FIRRM: variants seen among roughly 807,000 people sequenced by gnomAD.
FIRRM encodes FIGNL1-interacting regulator of recombination and mitosis.
At chr1:169,842,303 C>G in the FIRRM span, 2 of 979,754 alleles carry the variant, frequency 2.0e-6, no homozygotes, top group African/African-American at 3.3e-5. Context: ...TATTATTCTA[C>G]ATGGACTTTA....
the FIRRM span, chr1:169,821,618 T>A: frequency 8.1e-7 from 1 of 1,235,930 alleles, no homozygotes; most frequent in Admixed American, 2.3e-5. Context: ...ATTTGTAAGC[T>A]TAGCTAATTT....
the FIRRM span, among the ~76,000 whole-genome samples, chr1:169,848,531 T>C: frequency 6.6e-6 from 1 of 152,230 alleles, no homozygotes; most frequent in Non-Finnish European, 1.5e-5. Context: ...ATTAAACTCT[T>C]TGAAACCAAA....
At chr1:169,854,032 C>T in the FIRRM span, 15 of 560,602 alleles carry the variant, frequency 2.7e-5, 1 homozygote, top group Middle Eastern at 9.0e-4. Flanking sequence ...ATTTTAATCC[C>T]TTTTTTTTCT....
the FIRRM span, among the ~76,000 whole-genome samples, chr1:169,808,159 T>G: frequency 6.6e-6 from 1 of 152,160 alleles, no homozygotes; most frequent in Non-Finnish European, 1.5e-5. Flanking sequence ...CCTGGCTCCC[T>G]CTTTGCTTGG....
chr1:169,799,551 AT>A, the FIRRM span, among the ~76,000 whole-genome samples: 2 of 151,180 alleles, frequency 1.3e-5, no homozygotes, highest in Non-Finnish European at 3.0e-5. Context: ...ATGGGACCTA[AT>A]TTTTTTTTCC....
At chr1:169,794,199 G>C in the FIRRM span, among the ~76,000 whole-genome samples, 7 of 152,186 alleles carry the variant, frequency 4.6e-5, no homozygotes, top group Non-Finnish European at 7.3e-5. Context: ...GGACAGCCTA[G>C]CTACTTGCTG....
chr1:169,821,810 C>T, the FIRRM span: 29 of 1,245,682 alleles, frequency 2.3e-5, 1 homozygote, highest in African/African-American at 9.0e-5. Context: ...TCTCAGAAAA[C>T]GAATTATTAT....
the FIRRM span, chr1:169,852,650 A>G: frequency 1.3e-6 from 1 of 783,952 alleles, no homozygotes; most frequent in Non-Finnish European, 2.0e-6. Context: ...ATGACTGTGT[A>G]GGGGTTTTGG....
At chr1:169,784,478 T>C in the FIRRM span, among the ~76,000 whole-genome samples, 1 of 152,224 alleles carries the variant, frequency 6.6e-6, no homozygotes, top group Non-Finnish European at 1.5e-5. Context: ...TTTTAATTCA[T>C]GCAATTCCAT....
the FIRRM span, chr1:169,793,504 C>T: frequency 5.0e-6 from 8 of 1,614,154 alleles, no homozygotes; most frequent in Non-Finnish European, 6.8e-6. Flanking sequence ...TTTCCATTGA[C>T]TTATGTTCCC....
chr1:169,844,969 A>G, the FIRRM span, among the ~76,000 whole-genome samples: 1 of 152,232 alleles, frequency 6.6e-6, no homozygotes, highest in Admixed American at 6.5e-5. Flanking sequence ...TGCAAAATAA[A>G]AAATAATATG....
chr1:169,825,158 C>G, the FIRRM span, among the ~76,000 whole-genome samples: 1 of 152,196 alleles, frequency 6.6e-6, no homozygotes, highest in East Asian at 1.9e-4. Flanking sequence ...CTATTATTTT[C>G]TTGCCTGGAT....
At chr1:169,847,456 C>T in the FIRRM span, among the ~76,000 whole-genome samples, 12 of 151,002 alleles carry the variant, frequency 7.9e-5, no homozygotes, top group East Asian at 2.0e-4. Flanking sequence ...TTATTTTTTA[C>T]GTGGTTGGAG....
the FIRRM span, among the ~76,000 whole-genome samples, chr1:169,833,847 T>A: frequency 2.3e-4 from 3 of 12,866 alleles, no homozygotes; most frequent in African/African-American, 7.3e-4. Context: ...GTCACTTTCC[T>A]TTTTTTTTTT....
the FIRRM span, among the ~76,000 whole-genome samples, chr1:169,809,155 G>A: frequency 6.6e-6 from 1 of 152,122 alleles, no homozygotes; most frequent in East Asian, 1.9e-4. Flanking sequence ...AAGTTCTGAA[G>A]GTAGTAAGAA....
chr1:169,833,797 C>A, the FIRRM span, among the ~76,000 whole-genome samples: 1 of 148,882 alleles, frequency 6.7e-6, no homozygotes, highest in African/African-American at 2.5e-5. Context: ...AGAAGTGGGA[C>A]TGGGAGGGAA....
the FIRRM span, chr1:169,851,398 G>T: frequency 6.4e-6 from 1 of 156,638 alleles, no homozygotes; most frequent in Non-Finnish European, 1.4e-5. Flanking sequence ...ATTGGAGTGT[G>T]GTGGTGTGAT....
the FIRRM span, among the ~76,000 whole-genome samples, chr1:169,812,727 C>T: frequency 1.3e-5 from 2 of 151,790 alleles, no homozygotes; most frequent in African/African-American, 2.4e-5. Context: ...AGTGATGGTG[C>T]GCACCTGTAA....
the FIRRM span, chr1:169,827,873 C>T: frequency 2.5e-6 from 4 of 1,607,956 alleles, no homozygotes; most frequent in Non-Finnish European, 3.4e-6. Context: ...GTCATATTAC[C>T]AATGGTTAAG....
Sources: gnomAD v4.1 joint callset for allele counts (sites outside exome capture counted in the v4.1 genomes callset) on GRCh38, gnomAD v4.1.1 for gene constraint, MANE v1.5 for transcripts, NCBI Gene and HGNC (gene_info 2026-07-23, HGNC 2026-07-21) for gene names.